Variants in DLG3 observed in about 807,000 individuals in gnomAD.
The protein encoded by DLG3 is discs large MAGUK scaffold protein 3, also known as disks large homolog 3.
In DLG3, 1 loss-of-function variant was observed where a neutral mutation model predicts 64.1. The ratio of observed to expected loss-of-function variants is 0.02; its 90% CI spans 0.01 to 0.07. The LOEUF (loss-of-function observed/expected upper bound fraction) is 0.07, where lower values mean the gene tolerates loss of function less well. Ranked by LOEUF, DLG3 falls within the 10% of genes least tolerant of loss-of-function variation. The probability of loss-of-function intolerance (pLI) is 1.00; values close to 1 mark genes in which losing one functional copy is unlikely to be tolerated. For missense variants in DLG3, 429 were observed against 669.5 expected, an observed-to-expected ratio of 0.64 and a Z score of 3.96; for synonymous variants, 245 against 259.8, an observed-to-expected ratio of 0.94 and a Z score of 0.55.
intron 10 of DLG3, among the ~76,000 whole-genome samples, chrX:70,479,978 G>A (rs758487633): frequency 8.9e-6 from 1 of 111,923 alleles, no homozygotes; most frequent in Admixed American, 9.5e-5. Context: ...TGGGGAGTTG[G>A]AGTGCCAAGT....
chrX:70,487,116 C>T (rs773017284), intron 10 of DLG3, among the ~76,000 whole-genome samples: 9 of 112,342 alleles, frequency 8.0e-5, no homozygotes, highest in African/African-American at 2.6e-4. Context: ...GACTTTAGTA[C>T]GCTGGCCTAC....
intron 4 of DLG3, 118 bp from the exon 5 acceptor site, chrX:70,450,051 C>T (rs1172002565): frequency 1.1e-4 from 112 of 1,046,312 alleles, no homozygotes; most frequent in Middle Eastern, 2.9e-4. Context: ...TTGGATCCCC[C>T]GGGGGGAGCT....
chrX:70,499,906 G>A lies in DLG3; in HGVS notation c.2002G>A (p.Val668Met). 1 of 1,210,244 alleles carries A rather than the reference G, an allele frequency of 8.3e-7. No individual in the cohort carries two copies. Among genetic ancestry groups the A allele is most frequent in the Non-Finnish European group, 1.1e-6 (1 of 894,740 alleles). ...HTTRPRRDNE[V>M]DGQDYHFVVS... ...TACCCGGCCTCGACGTGATAATGAGGTGGATGGACAAGACTACCACTTTGT... is the reference window on the plus strand; with the variant it reads ...TACCCGGCCTCGACGTGATAATGAGATGGATGGACAAGACTACCACTTTGT... Residue 668 changes from valine to methionine, a missense_variant, in exon 16 of 19, where the codon GTG (valine) becomes ATG (methionine). By Grantham distance (21) the Val-to-Met change is conservative. Coordinates refer to ENST00000374360, the MANE Select transcript of DLG3 (RefSeq NM_021120.4).
At chrX:70,493,150 T>C (rs1210984501) in intron 12 of DLG3, among the ~76,000 whole-genome samples, 1 of 112,102 alleles carries the variant, frequency 8.9e-6, no homozygotes, top group Non-Finnish European at 1.9e-5. Flanking sequence ...GTTATGAGTG[T>C]CTGGATTATG....
At chrX:70,465,633 A>G (rs1219014600) in intron 9 of DLG3, among the ~76,000 whole-genome samples, 2 of 112,141 alleles carry the variant, frequency 1.8e-5, no homozygotes, top group Non-Finnish European at 3.8e-5. Context: ...CCACTGTTGT[A>G]TGTGTATATT....
At chrX:70,455,521 G>T (rs748638416) in intron 9 of DLG3, among the ~76,000 whole-genome samples, 16 of 107,386 alleles carry the variant, frequency 1.5e-4, no homozygotes, top group African/African-American at 5.1e-4. Context: ...CCCCCACAGC[G>T]AGCTGTGCCC....
chrX:70,445,574 G>A lies in DLG3; in HGVS notation c.357+16G>A, dbSNP rs72549425. On this transcript the variant is annotated intron_variant, in intron 1 of 18. Transcript: ENST00000374360. Reference sequence around the variant, plus strand: ...GTATGAGCAGGTATGGACCAGCGGAGGGGGGAGCGGTGGGGCAACCCAGGA... The same window carrying A: ...GTATGAGCAGGTATGGACCAGCGGAAGGGGGAGCGGTGGGGCAACCCAGGA... 4.4e-3 allele frequency: 5,189 copies of A among 1,166,100 alleles called. 26 individuals are homozygous for A. The highest frequency in any genetic ancestry group is 3.9e-3 in the Non-Finnish European group (3,392 of 870,469).
intron 10 of DLG3, among the ~76,000 whole-genome samples, chrX:70,482,578 C>T: frequency 9.2e-6 from 1 of 108,254 alleles, no homozygotes; most frequent in Middle Eastern, 4.7e-3. Flanking sequence ...TAGGAATCAG[C>T]TGGAATGCTA....
At chrX:70,476,920 G>A (rs2087063337) in intron 9 of DLG3, among the ~76,000 whole-genome samples, 1 of 111,976 alleles carries the variant, frequency 8.9e-6, no homozygotes, top group South Asian at 3.6e-4. Context: ...TCATCCAAAT[G>A]GAAAAAAAAG....
intron 9 of DLG3, among the ~76,000 whole-genome samples, chrX:70,473,157 CAAA>C (rs59440260): frequency 1.4e-4 from 6 of 42,135 alleles, no homozygotes; most frequent in African/African-American, 2.5e-4. Flanking sequence ...AACTCCGTCT[CAAA>C]AAAAAAAAAA....
At chrX:70,457,594 C>T (rs56098620) in intron 9 of DLG3, among the ~76,000 whole-genome samples, 15,764 of 104,025 alleles carry the variant, frequency 0.15, 1,148 homozygotes, top group Non-Finnish European at 0.19. Context: ...TTTTTTGAGA[C>T]GGAGTCTTGC....
chrX:70,470,996 G>A (rs188381037), intron 9 of DLG3, among the ~76,000 whole-genome samples: 1 of 111,152 alleles, frequency 9.0e-6, no homozygotes, highest in East Asian at 2.8e-4. Context: ...GCATGTTTGG[G>A]TGGGTGAAAG....
chrX:70,479,420 A>G (rs2087115019), intron 10 of DLG3, among the ~76,000 whole-genome samples, 156 bp downstream of exon 10: 1 of 111,946 alleles, frequency 8.9e-6, no homozygotes, highest in Non-Finnish European at 1.9e-5. Flanking sequence ...TTTTATGGTC[A>G]GTGTCTCCTC....
intron 7 of DLG3, chrX:70,452,464 TGGCGGCAGCGGC>T (rs1224017804): frequency 9.6e-5 from 94 of 975,347 alleles, no homozygotes; most frequent in South Asian, 4.7e-5. Flanking sequence ...CCCGCCCCGC[TGGCGGCAGCGGC>T]GGCGGCAGCG....
At position 70,495,429 on chromosome X, in the gene DLG3, G is replaced by A. The variant is rs747352979; in HGVS notation, c.1795G>A (p.Asp599Asn). 4 of 1,210,314 alleles carry A rather than the reference G, an allele frequency of 3.3e-6. No homozygotes were observed. Among genetic ancestry groups the A allele is most frequent in the Non-Finnish European group, 3.4e-6 (3 of 894,906 alleles). Residue 599 changes from aspartate (D) to asparagine (N), a missense_variant, in exon 13 of 19, where the codon GAT (aspartate) becomes AAT (asparagine). This residue lies in a region of DLG3 where 46 missense variants were observed against 64.4 expected (regional missense o/e 0.71). Coordinates refer to ENST00000374360, the MANE Select transcript of DLG3 (RefSeq NM_021120.4). ...SNRDFPGLSDDYYGAKNLKGQ... is the reference protein window; with the variant it reads ...SNRDFPGLSDNYYGAKNLKGQ... ...TCAGGACTTCCCGGGGTTAAGTGAC[G>A]ATTATTATGGAGCAAAGAACCTGAG...
chrX:70,465,019 T>C (rs1337145864), intron 9 of DLG3, among the ~76,000 whole-genome samples: 1 of 112,266 alleles, frequency 8.9e-6, no homozygotes, highest in Non-Finnish European at 1.9e-5. Context: ...TTTGTATAAA[T>C]ATGTACATTA....
At chrX:70,494,156 G>T in intron 12 of DLG3, among the ~76,000 whole-genome samples, 1 of 112,681 alleles carries the variant, frequency 8.9e-6, no homozygotes, top group South Asian at 3.7e-4. Context: ...CACAAAGTTG[G>T]TTCGGTAGGA....
intron 7 of DLG3, chrX:70,452,468 G>A: frequency 1.0e-6 from 1 of 978,468 alleles, no homozygotes; most frequent in Non-Finnish European, 1.3e-6. Context: ...CCCCGCTGGC[G>A]GCAGCGGCGG....
In DLG3 at chrX:70,482,660, G is replaced by GTTT. The variant is rs200729766; in HGVS notation, c.1520+3397_1520+3398insTTT. 2.7e-3 allele frequency among the ~76,000 whole-genome samples: 186 copies of GTTT among 69,229 alleles called. 2 individuals carry two copies. The highest frequency in any genetic ancestry group is 8.9e-3 in the African/African-American group (143 of 16,126). 60.1% of individuals were successfully genotyped at this position (69,229 alleles called of 115,157 possible). A position where few individuals can be genotyped will look rare whatever the true frequency, so the allele number is the denominator to read the frequency against. ...TCAGGTTTGGGAAAATACATGTGTG[G>GTTT]TGTTTTTTTTTTTTTTTTTTTTTTT... On this transcript the variant is annotated intron_variant, in intron 10 of 18. Coordinates refer to ENST00000374360, the MANE Select transcript of DLG3 (RefSeq NM_021120.4).
Sources: gnomAD v4.1 joint callset for allele counts (sites outside exome capture counted in the v4.1 genomes callset) on GRCh38, gnomAD v4.1.1 for gene constraint, gnomAD v4.1.1 regional missense constraint, MANE v1.5 for transcripts, NCBI Gene and HGNC (gene_info 2026-07-23, HGNC 2026-07-21) for gene names.